Variants in CTNNA2 observed in about 807,000 individuals in gnomAD.
CTNNA2 encodes catenin alpha-2.
CTNNA2 carries 42 observed loss-of-function variants against 101.0 expected under a neutral mutation model. The ratio of observed to expected loss-of-function variants is 0.42; its 90% CI spans 0.32 to 0.54. CTNNA2 has a LOEUF of 0.54. CTNNA2 is among the 20% of genes least tolerant of loss of function. CTNNA2 has a pLI of 0.14. For synonymous variants in CTNNA2, 450 were observed against 456.4 expected, an observed-to-expected ratio of 0.99 and a Z score of 0.18; for missense variants, 871 against 1,223.1, an observed-to-expected ratio of 0.71 and a Z score of 4.29.
chr2:80,610,444 C>T (rs1470204209), intron 17 of CTNNA2, among the ~76,000 whole-genome samples: 1 of 151,362 alleles, frequency 6.6e-6, no homozygotes, highest in African/African-American at 2.4e-5. Flanking sequence ...GGCAAAGTTG[C>T]TGTTTTTTTT....
chr2:80,328,570 T>C (rs1006691821), intron 7 of CTNNA2, among the ~76,000 whole-genome samples: 1 of 152,194 alleles, frequency 6.6e-6, no homozygotes, highest in Non-Finnish European at 1.5e-5. Context: ...CTTTCTCAAG[T>C]GGCTTTGCTG....
intron 2 of CTNNA2, among the ~76,000 whole-genome samples, chr2:79,684,685 T>C (rs1013952702): frequency 2.0e-5 from 3 of 152,180 alleles, no homozygotes; most frequent in African/African-American, 7.2e-5. Context: ...ACCTGTAACA[T>C]GTAGAATAAT....
chr2:80,096,660 T>C (rs1044877737), intron 7 of CTNNA2, among the ~76,000 whole-genome samples: 1 of 152,184 alleles, frequency 6.6e-6, no homozygotes, highest in Non-Finnish European at 1.5e-5. Context: ...TGTAGGTCAC[T>C]AAGGACTTGC....
chr2:79,961,281 C>T (rs757294645), intron 7 of CTNNA2, among the ~76,000 whole-genome samples: 1 of 152,136 alleles, frequency 6.6e-6, no homozygotes, highest in Non-Finnish European at 1.5e-5. Flanking sequence ...GGCATGCGAA[C>T]CATTAGCTCA....
At chr2:80,503,826 T>G (rs2149537432) in intron 9 of CTNNA2, among the ~76,000 whole-genome samples, 1 of 152,130 alleles carries the variant, frequency 6.6e-6, no homozygotes, top group African/African-American at 2.4e-5. Context: ...AGCCCTGAGC[T>G]TCCAAGCCAA....
chr2:79,498,841 T>C (rs1013079345), intron 4 of CTNNA2: 4 of 152,212 alleles, frequency 2.6e-5, no homozygotes, highest in Non-Finnish European at 5.9e-5. Context: ...GGCATTCCTT[T>C]CCCTATCAAA....
chr2:80,350,395 C>T (rs1048077655), intron 7 of CTNNA2, among the ~76,000 whole-genome samples: 1 of 152,100 alleles, frequency 6.6e-6, no homozygotes, highest in African/African-American at 2.4e-5. Context: ...TAGATAGATG[C>T]CCGCTAATCA....
At chr2:79,213,754 T>C (rs1053050544) in intron 2 of CTNNA2, among the ~76,000 whole-genome samples, 1 of 151,976 alleles carries the variant, frequency 6.6e-6, no homozygotes, top group South Asian at 2.1e-4. Context: ...ACAATGGTAA[T>C]TGTGGGAAAC....
chr2:80,070,407 T>C (rs933342449), intron 7 of CTNNA2, among the ~76,000 whole-genome samples: 1 of 152,128 alleles, frequency 6.6e-6, no homozygotes, highest in Non-Finnish European at 1.5e-5. Context: ...ATTTGTTTTT[T>C]CACAGTTTTA....
intron 4 of CTNNA2, among the ~76,000 whole-genome samples, chr2:79,406,087 G>A (rs569849611): frequency 5.3e-5 from 8 of 152,148 alleles, no homozygotes; most frequent in African/African-American, 1.4e-4. Flanking sequence ...AGTTCAACAT[G>A]CTGCAAAAAT....
intron 7 of CTNNA2, among the ~76,000 whole-genome samples, chr2:79,920,481 G>A (rs1686579043): frequency 6.6e-6 from 1 of 152,122 alleles, no homozygotes; most frequent in Non-Finnish European, 1.5e-5. Context: ...CTGGCACATA[G>A]GAGGCTGCAA....
intron 3 of CTNNA2, among the ~76,000 whole-genome samples, chr2:79,801,432 G>A (rs1446989788): frequency 1.3e-5 from 2 of 152,294 alleles, no homozygotes; most frequent in East Asian, 3.9e-4. Flanking sequence ...TAGAGAAACT[G>A]GAAAGGGCTT....
At chr2:80,525,928 T>C (rs749676714) in intron 9 of CTNNA2, among the ~76,000 whole-genome samples, 1 of 152,068 alleles carries the variant, frequency 6.6e-6, no homozygotes, top group Non-Finnish European at 1.5e-5. Flanking sequence ...AGCTATTAGG[T>C]TGGTTCAAAA....
chr2:80,460,637 A>G (rs1463104795), intron 9 of CTNNA2, among the ~76,000 whole-genome samples: 1 of 152,092 alleles, frequency 6.6e-6, no homozygotes, highest in Non-Finnish European at 1.5e-5. Flanking sequence ...TCTTACAAAT[A>G]CCCTACCACA....
At chr2:80,018,691 G>T (rs1021628796) in intron 7 of CTNNA2, among the ~76,000 whole-genome samples, 1 of 150,830 alleles carries the variant, frequency 6.6e-6, no homozygotes, top group African/African-American at 2.4e-5. Context: ...TGAGGCAGGA[G>T]AATCGTTTGA....
chr2:79,883,137 C>A (rs1303789038), intron 6 of CTNNA2, among the ~76,000 whole-genome samples: 1 of 152,154 alleles, frequency 6.6e-6, no homozygotes, highest in Non-Finnish European at 1.5e-5. Context: ...CCATCTTGGT[C>A]CTGCCCTCCC....
chr2:80,062,250 A>C lies in CTNNA2; in HGVS notation c.1056+152453A>C, dbSNP rs112379754. 3.9e-4 allele frequency among the ~76,000 whole-genome samples: 60 copies of C among 152,342 alleles called. 1 individual carries two copies. Among genetic ancestry groups the C allele is most frequent in the African/African-American group, 1.4e-3 (58 of 41,582 alleles). ...AATATTTTCAAATTTCTCCAATTTTAATTTTGGAAAATTGCATTTGAAACT... is the reference window on the plus strand; with the variant it reads ...AATATTTTCAAATTTCTCCAATTTTCATTTTGGAAAATTGCATTTGAAACT... On this transcript the variant is annotated intron_variant, in intron 7 of 18. Transcript: ENST00000402739.
intron 6 of CTNNA2, among the ~76,000 whole-genome samples, chr2:79,893,230 C>T (rs1574247437): frequency 6.6e-6 from 1 of 152,172 alleles, no homozygotes; most frequent in Non-Finnish European, 1.5e-5. Flanking sequence ...AGCCCGTTTT[C>T]TCACATGGCC....
At chr2:79,826,259 A>T (rs772882957) in intron 3 of CTNNA2, among the ~76,000 whole-genome samples, 1 of 152,242 alleles carries the variant, frequency 6.6e-6, no homozygotes, top group Non-Finnish European at 1.5e-5. Context: ...CATAAGTACT[A>T]TTTTGAGAAA....
Sources: gnomAD v4.1 joint callset for allele counts (sites outside exome capture counted in the v4.1 genomes callset) on GRCh38, gnomAD v4.1.1 for gene constraint, MANE v1.5 for transcripts, NCBI Gene and HGNC (gene_info 2026-07-23, HGNC 2026-07-21) for gene names.